The following AHCYL2 variants were observed in gnomAD, a reference collection of about 807,000 sequenced individuals.
The protein encoded by AHCYL2 is adenosylhomocysteinase like 2.
Under a neutral mutation model 81.4 loss-of-function variants are expected in AHCYL2, and 28 were observed. The ratio of observed to expected loss-of-function variants is 0.34; its 90% CI spans 0.25 to 0.47. AHCYL2 has a LOEUF of 0.47. Among genes scored for constraint, AHCYL2 ranks in the 20% least tolerant of loss-of-function variants. The probability of loss-of-function intolerance (pLI) is 1.00; values close to 1 mark genes in which losing one functional copy is unlikely to be tolerated. For synonymous variants in AHCYL2, 272 were observed against 290.2 expected, an observed-to-expected ratio of 0.94 and a Z score of 0.64; for missense variants, 551 against 785.1, an observed-to-expected ratio of 0.70 and a Z score of 3.56.
intron 1 of AHCYL2, among the ~76,000 whole-genome samples, chr7:129,304,935 G>GTT (rs143666441): frequency 1.7e-4 from 24 of 142,112 alleles, no homozygotes; most frequent in African/African-American, 5.6e-4. Context: ...TTGTTTTCTG[G>GTT]TTTTTTTTTT....
intron 4 of AHCYL2, among the ~76,000 whole-genome samples, chr7:129,394,520 T>A (rs2150915359): frequency 7.3e-6 from 1 of 137,872 alleles, no homozygotes; most frequent in African/African-American, 2.6e-5. Context: ...CAATCTTGGC[T>A]CACCACAACC....
At chr7:129,280,462 C>T (rs568302802) in intron 1 of AHCYL2, among the ~76,000 whole-genome samples, 4 of 152,302 alleles carry the variant, frequency 2.6e-5, no homozygotes, top group African/African-American at 9.6e-5. Flanking sequence ...AGCCACTATG[C>T]TCGGCCCTAA....
At chr7:129,380,144 GA>G (rs909438492) in intron 2 of AHCYL2, among the ~76,000 whole-genome samples, 2 of 152,014 alleles carry the variant, frequency 1.3e-5, no homozygotes, top group African/African-American at 4.8e-5. Flanking sequence ...AATTAACAGG[GA>G]AACCTCAATT....
chr7:129,335,148 A>G (rs1456794384), intron 1 of AHCYL2, among the ~76,000 whole-genome samples: 2 of 152,036 alleles, frequency 1.3e-5, no homozygotes, highest in African/African-American at 4.8e-5. Context: ...TTGGGAGGCC[A>G]GGGCGGAGGA....
chr7:129,246,519 A>G (rs1316552899), intron 1 of AHCYL2, among the ~76,000 whole-genome samples: 1 of 151,922 alleles, frequency 6.6e-6, no homozygotes, highest in Non-Finnish European at 1.5e-5. Context: ...TTTTTTTGAG[A>G]CAGGATCTCG....
chr7:129,291,597 A>T (rs922905680), intron 1 of AHCYL2, among the ~76,000 whole-genome samples: 14 of 150,830 alleles, frequency 9.3e-5, no homozygotes, highest in Admixed American at 2.6e-4. Flanking sequence ...ATTGCCACAA[A>T]GTCTTTTTTT....
At chr7:129,251,352 T>G (rs1165631072) in intron 1 of AHCYL2, among the ~76,000 whole-genome samples, 4 of 145,816 alleles carry the variant, frequency 2.7e-5, no homozygotes, top group East Asian at 4.0e-4. Flanking sequence ...TAAATAAGAG[T>G]GATTAAATCA....
At chr7:129,372,817 C>CA (rs1563217863) in intron 1 of AHCYL2, among the ~76,000 whole-genome samples, 15 of 151,402 alleles carry the variant, frequency 9.9e-5, no homozygotes, top group Admixed American at 3.3e-4. Flanking sequence ...CACCATCCCC[C>CA]CAAAAAAAAG....
intron 1 of AHCYL2, among the ~76,000 whole-genome samples, chr7:129,266,206 A>T (rs758184930): frequency 6.6e-6 from 1 of 152,214 alleles, no homozygotes; most frequent in Non-Finnish European, 1.5e-5. Context: ...GACTGTTAAC[A>T]ATTACAAAGT....
In AHCYL2 at chr7:129,375,534, G is replaced by C. The variant is rs542661218; in HGVS notation, c.364-4104G>C. ...ATAAATAAGCTATTGTTATGCGCAT[G>C]CAAGTTGGGCCTTGTCAAGGGACTT... On this transcript the variant is annotated intron_variant, in intron 1 of 16. Transcript: ENST00000325006. The C allele has an allele frequency of 9.6e-6, 9 of 941,758 alleles. No homozygotes were observed. In the East Asian group the frequency reaches 5.0e-4, roughly 53 times the overall value. 58.3% of individuals were successfully genotyped at this position (941,758 alleles called of 1,614,324 possible). A position where few individuals can be genotyped will look rare whatever the true frequency, so the allele number is the denominator to read the frequency against.
intron 1 of AHCYL2, among the ~76,000 whole-genome samples, chr7:129,371,148 T>C (rs1047361602): frequency 1.3e-5 from 2 of 152,218 alleles, no homozygotes; most frequent in African/African-American, 4.8e-5. Context: ...AGTTTCAATT[T>C]AAAGTTTTAA....
At chr7:129,319,921 T>C (rs920641436) in intron 1 of AHCYL2, among the ~76,000 whole-genome samples, 2 of 152,112 alleles carry the variant, frequency 1.3e-5, no homozygotes, top group Non-Finnish European at 2.9e-5. Context: ...TTTTTTTAGG[T>C]AAATACAAAG....
chr7:129,329,558 A>G (rs1271653368), intron 1 of AHCYL2, among the ~76,000 whole-genome samples: 1 of 152,194 alleles, frequency 6.6e-6, no homozygotes, highest in East Asian at 1.9e-4. Flanking sequence ...TATGGATGTG[A>G]TATTACACCA....
At chr7:129,295,477 G>GGAT in intron 1 of AHCYL2, among the ~76,000 whole-genome samples, 1 of 152,250 alleles carries the variant, frequency 6.6e-6, no homozygotes, top group Admixed American at 6.5e-5. Context: ...TCTGAAAGCT[G>GGAT]AAAAAATAGG....
intron 1 of AHCYL2, among the ~76,000 whole-genome samples, chr7:129,330,037 T>C (rs373332904): frequency 1.3e-5 from 2 of 152,376 alleles, no homozygotes; most frequent in East Asian, 3.9e-4. Context: ...GGTCTCACTC[T>C]GTTGTTGCCG....
chr7:129,291,193 CA>C (rs1361506383), intron 1 of AHCYL2, among the ~76,000 whole-genome samples: 9 of 152,028 alleles, frequency 5.9e-5, no homozygotes, highest in Non-Finnish European at 1.3e-4. Flanking sequence ...ACATGTTCCC[CA>C]TAAGTTTATT....
chr7:129,373,716 A>G (rs1371203856), intron 1 of AHCYL2, among the ~76,000 whole-genome samples: 1 of 152,200 alleles, frequency 6.6e-6, no homozygotes, highest in African/African-American at 2.4e-5. Context: ...CTTCTGGCTC[A>G]AGTTATCTGA....
intron 1 of AHCYL2, among the ~76,000 whole-genome samples, chr7:129,370,597 C>A (rs1470089615): frequency 1.3e-5 from 2 of 152,184 alleles, no homozygotes; most frequent in Admixed American, 6.5e-5. Context: ...ACTCTGGAGG[C>A]TGAGGCAGGA....
chr7:129,350,984 G>A (rs763191437), intron 1 of AHCYL2, among the ~76,000 whole-genome samples: 45 of 152,180 alleles, frequency 3.0e-4, no homozygotes, highest in African/African-American at 9.6e-4. Context: ...GATTACAGGC[G>A]TGAGCCACCG....
Sources: allele counts gnomAD v4.1 joint callset (sites outside exome capture counted in the v4.1 genomes callset), GRCh38; gene constraint gnomAD v4.1.1; transcripts MANE v1.5; gene names NCBI Gene and HGNC (gene_info 2026-07-23, HGNC 2026-07-21).